The following KCNQ1 variants were observed in gnomAD, a reference collection of about 807,000 sequenced individuals.
KCNQ1 encodes the protein potassium voltage-gated channel subfamily Q member 1, also known as potassium voltage-gated channel subfamily KQT member 1.
A neutral mutation model predicts 72.4 loss-of-function variants in KCNQ1; 49 were observed. The observed-to-expected ratio is 0.68, with a 90% CI of 0.54 to 0.86. KCNQ1 has a LOEUF of 0.86. Among genes scored for constraint, KCNQ1 ranks in the 40% least tolerant of loss-of-function variants. The probability of loss-of-function intolerance (pLI) is 0.00; values close to 1 mark genes in which losing one functional copy is unlikely to be tolerated. For synonymous variants in KCNQ1, 450 were observed against 412.6 expected, an observed-to-expected ratio of 1.09 and a Z score of -1.10; for missense variants, 790 against 945.1, an observed-to-expected ratio of 0.84 and a Z score of 2.15.
At chr11:2,656,359 T>A (rs1251150638) in intron 10 of KCNQ1, 1 of 398,530 alleles carries the variant, frequency 2.5e-6, no homozygotes, top group Non-Finnish European at 4.4e-6. Flanking sequence ...TCTTCAAGCC[T>A]TACAGGTCCT....
At chr11:2,530,799 T>C (rs1847609330) in intron 2 of KCNQ1, among the ~76,000 whole-genome samples, 1 of 152,200 alleles carries the variant, frequency 6.6e-6, no homozygotes, top group South Asian at 2.1e-4. Context: ...TGTATGTTTA[T>C]GCATGGCTGT....
intron 2 of KCNQ1, among the ~76,000 whole-genome samples, chr11:2,551,268 C>A (rs888295939): frequency 6.6e-6 from 1 of 152,200 alleles, no homozygotes; most frequent in South Asian, 2.1e-4. Flanking sequence ...CCACTGGCGG[C>A]TAGCCCCTCC....
intron 11 of KCNQ1, among the ~76,000 whole-genome samples, chr11:2,747,318 G>C (rs373551105): frequency 6.6e-6 from 1 of 152,198 alleles, no homozygotes; most frequent in Non-Finnish European, 1.5e-5. Flanking sequence ...ATTTTGCTTC[G>C]TTGCCCAAAG....
intron 2 of KCNQ1, among the ~76,000 whole-genome samples, chr11:2,540,598 T>C (rs1847808632): frequency 6.6e-6 from 1 of 152,252 alleles, no homozygotes; most frequent in Non-Finnish European, 1.5e-5. Flanking sequence ...CAGCTCCAGC[T>C]GGCCTCAGGA....
chr11:2,514,822 T>A (rs898866928), intron 1 of KCNQ1, among the ~76,000 whole-genome samples: 7 of 152,268 alleles, frequency 4.6e-5, no homozygotes, highest in Middle Eastern at 3.4e-3. Flanking sequence ...CCAGACTCCG[T>A]CTCGAAAAGA....
intron 15 of KCNQ1, among the ~76,000 whole-genome samples, chr11:2,805,720 A>G (rs1302020567): frequency 6.6e-6 from 1 of 152,210 alleles, no homozygotes; most frequent in Non-Finnish European, 1.5e-5. Flanking sequence ...CAGTGAAGAG[A>G]CGCAAGATGC....
intron 11 of KCNQ1, among the ~76,000 whole-genome samples, chr11:2,731,190 C>G (rs1845853314): frequency 6.6e-6 from 1 of 152,166 alleles, no homozygotes; most frequent in Non-Finnish European, 1.5e-5. Context: ...TCCCCTGTGC[C>G]CACTCGAGGG....
rs375327398 is a variant in KCNQ1 at position 2,664,088 on chromosome 11, G to C, written c.1514+2007G>C. ...GTGATAAGTGGGCCCAGGCAGGTCA[G>C]AGACTCCAGTCATTACCCAACCAGG... On this transcript the variant is annotated intron_variant, in intron 11 of 15. Transcript: ENST00000155840. This position sits in a 1 kb window ranked among gnomAD's most constrained non-coding sequence, Gnocchi z 5.1. 2.0e-4 allele frequency: 81 copies of C among 398,778 alleles called. No individual in the cohort carries two copies. Among genetic ancestry groups the C allele is most frequent in the African/African-American group, 1.6e-3 (78 of 48,768 alleles). The allele number at this position is 398,778 out of a possible 1,614,324, so 24.7% of individuals were successfully genotyped here. A position where few individuals can be genotyped will look rare whatever the true frequency, so the allele number is the denominator to read the frequency against.
Position 2,608,830 on chromosome 11 carries a change from G to T in KCNQ1, c.1393+19976G>T. ...ATTTGTAAAACTGTCATTCATTTCT[G>T]ATTTTAGTAATTTGAGTTTTCTCTC... On this transcript the variant is annotated intron_variant, in intron 10 of 15. Transcript: ENST00000155840. This position sits in a 1 kb window ranked among gnomAD's most constrained non-coding sequence, Gnocchi z 4.6. The T allele has an allele frequency of 2.5e-6, 1 of 398,322 alleles. No homozygotes were observed. Among genetic ancestry groups the T allele is most frequent in the Non-Finnish European group, 4.4e-6 (1 of 226,012 alleles). 24.7% of individuals were successfully genotyped at this position (398,322 alleles called of 1,614,324 possible). A position where few individuals can be genotyped will look rare whatever the true frequency, so the allele number is the denominator to read the frequency against.
intron 10 of KCNQ1, chr11:2,636,609 G>A (rs1849470210): frequency 6.6e-6 from 1 of 151,996 alleles, no homozygotes. Flanking sequence ...GAGGATTTTT[G>A]CATCAATGTT....
At position 2,645,612 on chromosome 11, in the gene KCNQ1, A is replaced by C; in HGVS notation, c.1394-16349A>C. 1 of 398,720 alleles carries C rather than the reference A, an allele frequency of 2.5e-6. No individual in the cohort carries two copies. Among genetic ancestry groups the C allele is most frequent in the Admixed American group, 4.4e-5 (1 of 22,740 alleles). 24.7% of individuals were successfully genotyped at this position (398,720 alleles called of 1,614,324 possible). ...CATGCTTCGGCCCCAGGTGGTGACT[A>C]TGGGCAGGGTCACCTTTCCTCATGG... is the stretch of plus-strand genomic sequence containing the variant. On this transcript the variant is annotated intron_variant, in intron 10 of 15. Coordinates refer to ENST00000155840, the MANE Select transcript of KCNQ1 (RefSeq NM_000218.3). The surrounding 1 kb of genome is among the most constrained non-coding windows in gnomAD (Gnocchi z 5.8).
chr11:2,485,103 G>A (rs773355574), intron 1 of KCNQ1, among the ~76,000 whole-genome samples: 1 of 152,046 alleles, frequency 6.6e-6, no homozygotes, highest in East Asian at 1.9e-4. Flanking sequence ...TTTTCCCCAC[G>A]GTGACTTTGA....
chr11:2,770,461 G>T (rs186165430), intron 12 of KCNQ1, among the ~76,000 whole-genome samples: 1 of 152,368 alleles, frequency 6.6e-6, no homozygotes, highest in East Asian at 1.9e-4. Flanking sequence ...CTTGCCAAGA[G>T]CAGTATGCGG....
rs531266887 is a variant in KCNQ1, at chr11:2,486,498, C to T, written c.386+41014C>T. 2.0e-5 allele frequency among the ~76,000 whole-genome samples: 3 copies of T among 152,138 alleles called. No homozygotes were observed. The highest frequency in any genetic ancestry group is 2.9e-5 in the Non-Finnish European group (2 of 68,042). ...TTTGTACAAAAATTTTTAATGTTCA[C>T]GAAGTCCAAGTTGTCTACTTTTTGT... On this transcript the variant is annotated intron_variant, in intron 1 of 15. Coordinates refer to ENST00000155840, the MANE Select transcript of KCNQ1 (RefSeq NM_000218.3). This position sits in a 1 kb window ranked among gnomAD's most constrained non-coding sequence, Gnocchi z 5.0.
chr11:2,835,702 G>A (rs1356413980), intron 15 of KCNQ1, among the ~76,000 whole-genome samples: 3 of 152,286 alleles, frequency 2.0e-5, no homozygotes, highest in African/African-American at 7.2e-5. Flanking sequence ...GGGCAGGGGT[G>A]TCTTTAGAAA....
At chr11:2,721,532 A>G (rs909545146) in intron 11 of KCNQ1, among the ~76,000 whole-genome samples, 7 of 152,244 alleles carry the variant, frequency 4.6e-5, no homozygotes, top group African/African-American at 1.7e-4. Flanking sequence ...AATTGTATCA[A>G]GAAATATTTC....
chr11:2,570,903 C>G, intron 3 of KCNQ1, 149 bp downstream of exon 3: 3 of 1,084,704 alleles, frequency 2.8e-6, no homozygotes, highest in Non-Finnish European at 2.7e-6. Flanking sequence ...AGCACAGGAG[C>G]ATTGGCAGCC....
chr11:2,800,973 G>T (rs1417672588), intron 15 of KCNQ1, among the ~76,000 whole-genome samples: 2 of 152,190 alleles, frequency 1.3e-5, no homozygotes, highest in African/African-American at 4.8e-5. Flanking sequence ...GCATGGGGAG[G>T]CAGGAGACCA....
Position 2,651,511 on chromosome 11 carries a change from G to C in KCNQ1, c.1394-10450G>C, listed in dbSNP as rs1157164504. 2.5e-6 allele frequency: 1 copy of C among 398,574 alleles called. No homozygotes were observed. The highest frequency in any genetic ancestry group is 4.4e-6 in the Non-Finnish European group (1 of 226,120). The allele number at this position is 398,574 out of a possible 1,614,324, so 24.7% of individuals were successfully genotyped here. On this transcript the variant is annotated intron_variant, in intron 10 of 15. Coordinates refer to ENST00000155840, the MANE Select transcript of KCNQ1 (RefSeq NM_000218.3). This position sits in a 1 kb window ranked among gnomAD's most constrained non-coding sequence, Gnocchi z 6.1. ...TTAAGAAGCTGTCAGTGTGAAGAAC[G>C]TGAATGCTAAGGGCATATGAGTGTG...
Sources: allele counts gnomAD v4.1 joint callset (sites outside exome capture counted in the v4.1 genomes callset), GRCh38; gene constraint gnomAD v4.1.1; non-coding constraint Gnocchi (gnomAD v3.1); transcripts MANE v1.5; gene names NCBI Gene and HGNC (gene_info 2026-07-23, HGNC 2026-07-21).